The following NELL2 variants were observed in gnomAD, a reference collection of about 807,000 sequenced individuals.
NELL2 encodes the protein protein kinase C-binding protein NELL2.
Under a neutral mutation model 109.6 loss-of-function variants are expected in NELL2, and 41 were observed. That is an observed-to-expected ratio of 0.37 (90% CI 0.29 to 0.49). The LOEUF is 0.49. Ranked by LOEUF, NELL2 falls within the 20% of genes least tolerant of loss-of-function variation. The pLI is 0.98. For missense variants in NELL2, 900 were observed against 1,008.3 expected (o/e 0.89, Z 1.45); for synonymous variants, 355 against 344.7 (o/e 1.03, Z -0.33).
At chr12:44,761,168 C>CCTGA (rs1941108914) in intron 9 of NELL2, among the ~76,000 whole-genome samples, 1 of 152,104 alleles carries the variant, frequency 6.6e-6, no homozygotes, top group Non-Finnish European at 1.5e-5. Context: ...TCAAGACTGG[C>CCTGA]CTGACTAACA....
chr12:44,569,452 T>C (rs1444271090), intron 15 of NELL2, among the ~76,000 whole-genome samples: 1 of 152,120 alleles, frequency 6.6e-6, no homozygotes, highest in Non-Finnish European at 1.5e-5. Context: ...CTTTGAGGAA[T>C]TGCCACACTG....
chr12:44,808,481 T>A (rs908075903), intron 3 of NELL2, among the ~76,000 whole-genome samples: 1 of 151,976 alleles, frequency 6.6e-6, no homozygotes, highest in African/African-American at 2.4e-5. Context: ...TTGTGAGAGA[T>A]AAATAATGAT....
chr12:44,884,155 G>C (rs944577469), intron 1 of NELL2, among the ~76,000 whole-genome samples: 1 of 151,622 alleles, frequency 6.6e-6, no homozygotes, highest in Non-Finnish European at 1.5e-5. Context: ...AGGTAAACAT[G>C]AATCAAAAGA....
At chr12:44,778,918 T>C (rs141609884) in intron 5 of NELL2, among the ~76,000 whole-genome samples, 28 of 152,314 alleles carry the variant, frequency 1.8e-4, no homozygotes, top group Non-Finnish European at 3.5e-4. Context: ...AATTCACTGG[T>C]ATGTGATCTA....
chr12:44,913,876 T>G, exon 1 of NELL2: 1 of 637,536 alleles, frequency 1.6e-6, no homozygotes, highest in Middle Eastern at 2.7e-4. Flanking sequence ...TTTTCACTTT[T>G]AGATTGAATA....
At chr12:44,586,227 A>C (rs1275313497) in intron 15 of NELL2, among the ~76,000 whole-genome samples, 1 of 148,572 alleles carries the variant, frequency 6.7e-6, no homozygotes, top group Non-Finnish European at 1.5e-5. Flanking sequence ...ATATATATCT[A>C]ATTGAAAACC....
At chr12:44,760,801 T>G (rs868468206) in intron 9 of NELL2, among the ~76,000 whole-genome samples, 7 of 152,254 alleles carry the variant, frequency 4.6e-5, no homozygotes, top group African/African-American at 9.6e-5. Context: ...AGAGGCTGGA[T>G]AGTAAATATT....
chr12:44,899,457 T>G (rs1945634521), intron 1 of NELL2, among the ~76,000 whole-genome samples: 1 of 152,112 alleles, frequency 6.6e-6, no homozygotes, highest in Non-Finnish European at 1.5e-5. Flanking sequence ...GGGGCCAATA[T>G]TCAACATTCT....
At chr12:44,644,580 G>GTATATATATATATATATATA (rs138161908) in intron 13 of NELL2, among the ~76,000 whole-genome samples, 8 of 84,384 alleles carry the variant, frequency 9.5e-5, no homozygotes, top group Admixed American at 1.5e-4. Context: ...ACAAAGTAAA[G>GTATATATATATATATATATA]TATATATATA....
intron 15 of NELL2, among the ~76,000 whole-genome samples, chr12:44,582,234 T>C (rs1024120457): frequency 3.9e-5 from 6 of 152,154 alleles, no homozygotes; most frequent in African/African-American, 1.4e-4. Context: ...ATGGTAGCTC[T>C]GCTTGCCCTT....
intron 15 of NELL2, among the ~76,000 whole-genome samples, chr12:44,544,195 A>G (rs1179443044): frequency 6.6e-6 from 1 of 152,156 alleles, no homozygotes; most frequent in Non-Finnish European, 1.5e-5. Flanking sequence ...AACTGAAACT[A>G]GTGATATAAC....
chr12:44,515,490 G>T (rs1052720828), intron 19 of NELL2, among the ~76,000 whole-genome samples: 7 of 151,964 alleles, frequency 4.6e-5, no homozygotes, highest in African/African-American at 1.7e-4. Context: ...TAAAATTAAG[G>T]TTGTCTACTG....
chr12:44,697,772 C>G (rs1017639607), intron 12 of NELL2, among the ~76,000 whole-genome samples: 4 of 152,108 alleles, frequency 2.6e-5, no homozygotes, highest in African/African-American at 9.7e-5. Context: ...AGCCAAAAAG[C>G]TAAAGGCATG....
intron 12 of NELL2, 96 bp downstream of exon 12, chr12:44,703,630 G>A: frequency 8.1e-7 from 1 of 1,230,324 alleles, no homozygotes; most frequent in East Asian, 2.4e-5. Flanking sequence ...CTTTTAATGG[G>A]CCCATCAACT....
Position 44,876,069 on chromosome 12 carries a change from C to T in NELL2, c.-200G>A. 1 of 1,427,056 alleles carries T rather than the reference C, an allele frequency of 7.0e-7. No homozygotes were observed. Among genetic ancestry groups the T allele is most frequent in the Non-Finnish European group, 9.1e-7 (1 of 1,095,712 alleles). 88.4% of individuals were successfully genotyped at this position (1,427,056 alleles called of 1,614,324 possible). A position where few individuals can be genotyped will look rare whatever the true frequency, so the allele number is the denominator to read the frequency against. ...CAGGCGCGTGAAGAACTTAGACCCTCCAATGCGCACATCATTCCCACACGC... is the reference window on the plus strand; with the variant it reads ...CAGGCGCGTGAAGAACTTAGACCCTTCAATGCGCACATCATTCCCACACGC... On this transcript the variant is annotated 5_prime_UTR_variant, in exon 1 of 20. Coordinates refer to ENST00000429094, the MANE Select transcript of NELL2 (RefSeq NM_001145108.2).
At chr12:44,766,098 A>G (rs1030844897) in intron 9 of NELL2, among the ~76,000 whole-genome samples, 4 of 152,266 alleles carry the variant, frequency 2.6e-5, no homozygotes, top group Admixed American at 2.0e-4. Context: ...AAAAAAAAAA[A>G]AAAGAAAGAA....
intron 3 of NELL2, among the ~76,000 whole-genome samples, chr12:44,804,948 C>A (rs1189697957): frequency 6.6e-6 from 1 of 151,802 alleles, no homozygotes; most frequent in African/African-American, 2.4e-5. Flanking sequence ...AAAACAAAAT[C>A]CATTTTTCTA....
chr12:44,565,623 AC>A (rs1361597021), intron 15 of NELL2, among the ~76,000 whole-genome samples: 4 of 152,220 alleles, frequency 2.6e-5, no homozygotes, highest in Non-Finnish European at 5.9e-5. Flanking sequence ...TAGAGAGTGT[AC>A]TAAAGTCAGA....
intron 19 of NELL2, among the ~76,000 whole-genome samples, chr12:44,515,775 T>A (rs1457784887): frequency 1.3e-5 from 2 of 151,922 alleles, no homozygotes; most frequent in Non-Finnish European, 2.9e-5. Context: ...CCCTGCTATT[T>A]TTGGCTATAT....
Sources: gnomAD v4.1 joint callset for allele counts (sites outside exome capture counted in the v4.1 genomes callset) on GRCh38, gnomAD v4.1.1 for gene constraint, MANE v1.5 for transcripts, NCBI Gene and HGNC (gene_info 2026-07-23, HGNC 2026-07-21) for gene names.